The following SLC25A31 variants were observed in gnomAD, a reference collection of about 807,000 sequenced individuals.
The protein encoded by SLC25A31 is solute carrier family 25 member 31, also known as ADP/ATP translocase 4.
Under a neutral mutation model 36.2 loss-of-function variants are expected in SLC25A31, and 40 were observed. That is an observed-to-expected ratio of 1.10 (90% CI 0.86 to 1.44). The LOEUF is 1.44. SLC25A31 is among the 40% of genes most tolerant of loss of function. The probability of loss-of-function intolerance (pLI) is 0.00; values close to 1 mark genes in which losing one functional copy is unlikely to be tolerated. For missense variants in SLC25A31, 350 were observed against 397.1 expected (o/e 0.88, Z 1.01); for synonymous variants, 143 against 149.7 (o/e 0.96, Z 0.32).
At chr4:127,742,284 C>G (rs974554823) in intron 1 of SLC25A31, among the ~76,000 whole-genome samples, 3 of 152,128 alleles carry the variant, frequency 2.0e-5, no homozygotes, top group African/African-American at 7.2e-5. Flanking sequence ...TATCTGAGTT[C>G]CTTTCTCAGG....
intron 2 of SLC25A31, among the ~76,000 whole-genome samples, chr4:127,755,401 G>T (rs917900930): frequency 6.6e-6 from 1 of 152,046 alleles, no homozygotes; most frequent in Non-Finnish European, 1.5e-5. Flanking sequence ...CTGACAAAGG[G>T]GCTAATATAA....
chr4:127,755,831 C>G (rs1732019294), intron 2 of SLC25A31, among the ~76,000 whole-genome samples: 1 of 152,098 alleles, frequency 6.6e-6, no homozygotes, highest in African/African-American at 2.4e-5. Context: ...GTCAGGAGTT[C>G]GAGACCAGCT....
At chr4:127,754,642 T>C (rs1000927036) in intron 2 of SLC25A31, among the ~76,000 whole-genome samples, 3 of 151,270 alleles carry the variant, frequency 2.0e-5, no homozygotes, top group African/African-American at 7.3e-5. Flanking sequence ...AACTGAAATA[T>C]AAGACCTGAA....
chr4:127,758,803 GTTCT>G (rs745735893), intron 2 of SLC25A31, among the ~76,000 whole-genome samples: 121 of 152,160 alleles, frequency 8.0e-4, no homozygotes, highest in Non-Finnish European at 1.5e-3. Flanking sequence ...TTGTTTCTGG[GTTCT>G]TTATTTGCTT....
At chr4:127,757,120 C>G (rs1442576332) in intron 2 of SLC25A31, among the ~76,000 whole-genome samples, 1 of 152,168 alleles carries the variant, frequency 6.6e-6, no homozygotes, top group Non-Finnish European at 1.5e-5. Flanking sequence ...CAGGATATTA[C>G]TCAGCAGTAG....
chr4:127,769,745 C>T (rs1732315775), intron 5 of SLC25A31, among the ~76,000 whole-genome samples: 1 of 152,072 alleles, frequency 6.6e-6, no homozygotes, highest in Admixed American at 6.6e-5. Context: ...AGGAGGGTTG[C>T]CCAAATGCTT....
chr4:127,730,466 T>C lies in SLC25A31; in HGVS notation c.-80T>C. 4 of 1,436,518 alleles carry C rather than the reference T, an allele frequency of 2.8e-6. No homozygotes were observed. Among genetic ancestry groups the C allele is most frequent in the South Asian group, 1.3e-5 (1 of 79,242 alleles). The allele number at this position is 1,436,518 out of a possible 1,614,324, so 89.0% of individuals were successfully genotyped here. ...CGCCAGTACGATGCTGCAGCGGTTTTCCGGTTTTCCGCTTCCCTTCATCGT... is the reference window on the plus strand; with the variant it reads ...CGCCAGTACGATGCTGCAGCGGTTTCCCGGTTTTCCGCTTCCCTTCATCGT... On this transcript the variant is annotated 5_prime_UTR_variant, in exon 1 of 6. Transcript: ENST00000281154.
chr4:127,769,578 A>T (rs936586005), intron 5 of SLC25A31, among the ~76,000 whole-genome samples: 1 of 152,212 alleles, frequency 6.6e-6, no homozygotes, highest in African/African-American at 2.4e-5. Context: ...ACCTGTACTT[A>T]TTACATTCAT....
chr4:127,765,937 G>C (rs1396699121), intron 3 of SLC25A31, among the ~76,000 whole-genome samples: 1 of 151,970 alleles, frequency 6.6e-6, no homozygotes, highest in Admixed American at 6.5e-5. Context: ...TTCAAATCAG[G>C]AAGATTTAGT....
intron 1 of SLC25A31, among the ~76,000 whole-genome samples, chr4:127,734,762 A>C (rs1731592877): frequency 6.6e-6 from 1 of 151,970 alleles, no homozygotes; most frequent in South Asian, 2.1e-4. Flanking sequence ...GGGGTATGGG[A>C]AGAAAATATT....
chr4:127,772,700 G>C (rs747827247), intron 5 of SLC25A31, among the ~76,000 whole-genome samples: 1 of 151,866 alleles, frequency 6.6e-6, no homozygotes, highest in Non-Finnish European at 1.5e-5. Context: ...ATTTAGGTAA[G>C]AGGTTTTGTA....
intron 2 of SLC25A31, among the ~76,000 whole-genome samples, chr4:127,758,172 T>C (rs1344483767): frequency 6.6e-6 from 1 of 152,144 alleles, no homozygotes; most frequent in Non-Finnish European, 1.5e-5. Context: ...CCACAGCATG[T>C]GGGAATTCTG....
intron 2 of SLC25A31, among the ~76,000 whole-genome samples, chr4:127,747,183 C>G (rs1178605932): frequency 1.3e-5 from 2 of 152,026 alleles, no homozygotes; most frequent in Non-Finnish European, 2.9e-5. Flanking sequence ...TAGCCCAGTT[C>G]TATAGTTTGA....
At chr4:127,732,484 T>A (rs1731545490) in intron 1 of SLC25A31, among the ~76,000 whole-genome samples, 1 of 152,218 alleles carries the variant, frequency 6.6e-6, no homozygotes, top group Non-Finnish European at 1.5e-5. Context: ...TCGTTTATAT[T>A]CTAAGACTTC....
Position 127,744,742 on chromosome 4 carries a change from T to C in SLC25A31, c.303T>C (p.Phe101=), listed in dbSNP as rs201354433. The C allele has an allele frequency of 3.1e-6, 5 of 1,603,514 alleles. No homozygotes were observed. The Admixed American group carries it at 8.4e-5, about 27-fold the overall frequency. Residue 101 remains phenylalanine (F), a synonymous_variant, in exon 2 of 6, where the codon TTT becomes TTC. Coordinates refer to ENST00000281154, the MANE Select transcript of SLC25A31 (RefSeq NM_031291.4). ...IRYFPTQALN[F]AFKDKYKQLF... The stretch of plus-strand genomic sequence containing the variant: ...ATTTTCCAACACAAGCTCTAAACTT[T>C]GCTTTTAAGGACAAATACAAGCAGC...
chr4:127,735,357 T>C (rs1731604153), intron 1 of SLC25A31, among the ~76,000 whole-genome samples: 2 of 152,236 alleles, frequency 1.3e-5, no homozygotes, highest in African/African-American at 4.8e-5. Context: ...TTTTCATCTT[T>C]TAAATAAATG....
At chr4:127,754,828 A>G (rs1193446197) in intron 2 of SLC25A31, among the ~76,000 whole-genome samples, 1 of 152,196 alleles carries the variant, frequency 6.6e-6, no homozygotes, top group Non-Finnish European at 1.5e-5. Flanking sequence ...GAATCCTTCA[A>G]TTTATGTGGG....
intron 1 of SLC25A31, among the ~76,000 whole-genome samples, chr4:127,742,917 G>A (rs1049818155): frequency 6.6e-6 from 1 of 151,970 alleles, no homozygotes. Context: ...TAATTTCCAT[G>A]TATTTGTGAA....
intron 5 of SLC25A31, 106 bp downstream of exon 5, chr4:127,768,983 G>A: frequency 6.0e-6 from 6 of 1,007,528 alleles, no homozygotes; most frequent in Non-Finnish European, 7.0e-6. Context: ...TAAGTCATTT[G>A]TTTTACTTAG....
Sources: allele counts gnomAD v4.1 joint callset (sites outside exome capture counted in the v4.1 genomes callset), GRCh38; gene constraint gnomAD v4.1.1; transcripts MANE v1.5; gene names NCBI Gene and HGNC (gene_info 2026-07-23, HGNC 2026-07-21).